COPS3: variants seen among roughly 807,000 people sequenced by gnomAD.
COPS3 encodes the protein COP9 signalosome complex subunit 3.
In COPS3, 10 loss-of-function variants were observed where a neutral mutation model predicts 58.2. That is an observed-to-expected ratio of 0.17 (90% CI 0.11 to 0.29). The LOEUF (loss-of-function observed/expected upper bound fraction) is 0.29, where lower values mean the gene tolerates loss of function less well. Among genes scored for constraint, COPS3 ranks in the 10% least tolerant of loss-of-function variants. The pLI is 1.00. For synonymous variants in COPS3, 187 were observed against 181.7 expected, an observed-to-expected ratio of 1.03 and a Z score of -0.24; for missense variants, 333 against 510.1, an observed-to-expected ratio of 0.65 and a Z score of 3.34.
At chr17:17,281,058 C>T (rs1156313250) in intron 1 of COPS3, 74 bp downstream of exon 1, 19 of 1,510,572 alleles carry the variant, frequency 1.3e-5, no homozygotes, top group Middle Eastern at 1.7e-4. Context: ...TTCCAGCCGT[C>T]CGTGCTGGCG....
intron 8 of COPS3, among the ~76,000 whole-genome samples, chr17:17,258,831 C>A (rs988284484): frequency 1.3e-5 from 2 of 152,160 alleles, no homozygotes; most frequent in African/African-American, 4.8e-5. Context: ...TTCTCTTTCA[C>A]GTTCTTCATT....
chr17:17,269,511 G>C (rs4985759), intron 4 of COPS3, among the ~76,000 whole-genome samples: 76,665 of 151,936 alleles, frequency 0.5, 19,779 homozygotes, highest in East Asian at 0.63. Flanking sequence ...CACGAGAATC[G>C]CCTGAAGCTG....
intron 7 of COPS3, among the ~76,000 whole-genome samples, chr17:17,260,882 A>G (rs2048082760): frequency 6.6e-6 from 1 of 152,174 alleles, no homozygotes; most frequent in South Asian, 2.1e-4. Flanking sequence ...ACACACTTAC[A>G]TACTATTTTT....
intron 7 of COPS3, chr17:17,261,549 A>AATAG: frequency 2.9e-6 from 1 of 340,274 alleles, no homozygotes; most frequent in Non-Finnish European, 5.6e-6. Context: ...TAAATAAATA[A>AATAG]AATGAAAAAT....
intron 2 of COPS3, among the ~76,000 whole-genome samples, chr17:17,271,517 G>A (rs776567090): frequency 6.6e-6 from 1 of 151,430 alleles, no homozygotes. Context: ...ACACAAATAA[G>A]GGTTAAGAAA....
At chr17:17,263,357 G>A (rs776737738) in intron 6 of COPS3, among the ~76,000 whole-genome samples, 1 of 151,230 alleles carries the variant, frequency 6.6e-6, no homozygotes, top group Non-Finnish European at 1.5e-5. Context: ...CCTGCTGCCA[G>A]GCCCAGCTAA....
chr17:17,275,852 G>A (rs2048450028), intron 2 of COPS3, among the ~76,000 whole-genome samples, 183 bp downstream of exon 2: 1 of 152,188 alleles, frequency 6.6e-6, no homozygotes, highest in South Asian at 2.1e-4. Context: ...TGAGGCAAGA[G>A]AATGGAGTGA....
rs935183041 is a variant in COPS3, at chr17:17,281,071, T to G, written c.55+61A>C. 2.9e-5 allele frequency: 45 copies of G among 1,555,006 alleles called. No individual in the cohort carries two copies. The African/African-American group carries it at 5.0e-4, about 17-fold the overall frequency. On this transcript the variant is annotated intron_variant, in intron 1 of 11. Transcript: ENST00000268717. ...TGTTCCAGCCGTCCGTGCTGGCGCC[T>G]GGGGATCCAGGCCAGTTCCCGGTAC...
intron 5 of COPS3, among the ~76,000 whole-genome samples, chr17:17,266,406 T>C (rs536780717): frequency 1.3e-5 from 2 of 152,212 alleles, no homozygotes; most frequent in Non-Finnish European, 2.9e-5. Context: ...ATAGTTTCCT[T>C]TGTAGAGAAG....
chr17:17,273,190 G>A lies in COPS3; in HGVS notation c.186-2182C>T, dbSNP rs547492210. On this transcript the variant is annotated intron_variant, in intron 2 of 11. Coordinates refer to ENST00000268717, the MANE Select transcript of COPS3 (RefSeq NM_003653.4). The stretch of plus-strand genomic sequence containing the variant: ...ATTCCTGAGACAAAGGTATGTGTCC[G>A]GAGCAGAGTTTAGAGAAGAAGCTTT... Among the ~76,000 whole-genome samples the A allele has an allele frequency of 3.3e-5, 5 of 152,284 alleles. No homozygotes were observed. The East Asian group carries it at 5.8e-4, about 18-fold the overall frequency.
intron 9 of COPS3, 146 bp from the exon 10 acceptor site, chr17:17,249,185 A>G: frequency 1.8e-6 from 1 of 569,828 alleles, no homozygotes; most frequent in Non-Finnish European, 3.1e-6. Flanking sequence ...CTGTTTATCC[A>G]AGTATTTATT....
chr17:17,255,231 C>T (rs1306561539), intron 8 of COPS3, among the ~76,000 whole-genome samples: 6 of 151,394 alleles, frequency 4.0e-5, no homozygotes, highest in African/African-American at 7.3e-5. Flanking sequence ...ACCCAGGAGG[C>T]GGAGGTTGCA....
At chr17:17,262,168 C>T in intron 6 of COPS3, 62 bp from the exon 7 acceptor site, 2 of 1,421,986 alleles carry the variant, frequency 1.4e-6, no homozygotes, top group South Asian at 1.3e-5. Flanking sequence ...CAACAATCAA[C>T]CACATGTATC....
At chr17:17,271,400 G>C (rs1015043449) in intron 2 of COPS3, among the ~76,000 whole-genome samples, 3 of 152,146 alleles carry the variant, frequency 2.0e-5, no homozygotes, top group Non-Finnish European at 4.4e-5. Context: ...CTGCACTCCA[G>C]CCTGGGTGAC....
At position 17,279,700 on chromosome 17, in the gene COPS3, A is replaced by G. The variant is rs186603268; in HGVS notation, c.55+1432T>C. Among the ~76,000 whole-genome samples the G allele has an allele frequency of 6.6e-5, 10 of 152,324 alleles. No individual in the cohort carries two copies. In the East Asian group the frequency reaches 1.9e-3, roughly 29 times the overall value. ...AACTTTGCAATTAATGACGGTAACA[A>G]TAATTTGCAGCTATATTTATTGCAC... On this transcript the variant is annotated intron_variant, in intron 1 of 11. Transcript: ENST00000268717.
At position 17,276,067 on chromosome 17, in the gene COPS3, T is replaced by A; in HGVS notation, c.153A>T (p.Val51=). The A allele has an allele frequency of 6.2e-7, 1 of 1,614,144 alleles. No homozygotes were observed. Among genetic ancestry groups the A allele is most frequent in the Non-Finnish European group, 8.5e-7 (1 of 1,179,990 alleles). ...CAAGGACGCCCAAGGAGTGTTCTTG[T>A]ACATCCAGAGCCCCGAGCACAGTGT... The part of the protein sequence containing the change: ...HLDTVLGALD[V]QEHSLGVLAV... Residue 51 remains valine (V), a synonymous_variant, in exon 2 of 12, where the codon GTA becomes GTT. Transcript: ENST00000268717.
chr17:17,274,413 A>G (rs1597701354), intron 2 of COPS3, among the ~76,000 whole-genome samples: 1 of 51,080 alleles, frequency 2.0e-5, no homozygotes, highest in African/African-American at 6.3e-5. Flanking sequence ...AGTAGAAATT[A>G]TGATTAGCTT....
chr17:17,255,878 A>ATAAATAAATAAC (rs929027222), intron 8 of COPS3, among the ~76,000 whole-genome samples: 10 of 140,230 alleles, frequency 7.1e-5, no homozygotes, highest in African/African-American at 2.4e-4. Context: ...AAATAAATAA[A>ATAAATAAATAAC]TAACTGATAG....
At chr17:17,280,964 T>A (rs189689134) in intron 1 of COPS3, among the ~76,000 whole-genome samples, 168 bp downstream of exon 1, 2 of 151,858 alleles carry the variant, frequency 1.3e-5, no homozygotes, top group East Asian at 3.9e-4. Context: ...CTGCCTACAC[T>A]CGGCCGCGCT....
Sources: allele counts gnomAD v4.1 joint callset (sites outside exome capture counted in the v4.1 genomes callset), GRCh38; gene constraint gnomAD v4.1.1; transcripts MANE v1.5; gene names NCBI Gene and HGNC (gene_info 2026-07-23, HGNC 2026-07-21).